VAMP7: variants seen among roughly 807,000 people sequenced by gnomAD.
The protein encoded by VAMP7 is vesicle associated membrane protein 7, also known as vesicle-associated membrane protein 7.
VAMP7 carries 14 observed loss-of-function variants against 29.6 expected under a neutral mutation model. The ratio of observed to expected loss-of-function variants is 0.47; its 90% confidence interval spans 0.31 to 0.74. VAMP7 has a LOEUF of 0.74. VAMP7 is among the 30% of genes least tolerant of loss of function. The pLI is 0.05. For synonymous variants in VAMP7, 95 were observed against 88.1 expected, an observed-to-expected ratio of 1.08 and a Z score of -0.44; for missense variants, 223 against 262.4, an observed-to-expected ratio of 0.85 and a Z score of 1.04.
At chrX:155,912,321 T>C (rs5983819) in intron 5 of VAMP7, among the ~76,000 whole-genome samples, 98,383 of 151,942 alleles carry the variant, frequency 0.65, 32,332 homozygotes, top group African/African-American at 0.77. Flanking sequence ...AATGGAAATA[T>C]TTCAACCTGA....
rs369451370 is a variant in VAMP7, at chrX:155,939,758, C to T, written c.559C>T (p.Leu187Phe). 337 of 1,613,712 alleles carry T rather than the reference C, an allele frequency of 2.1e-4. No homozygotes were observed. The highest frequency in any genetic ancestry group is 2.7e-4 in the Non-Finnish European group (322 of 1,179,824). Residue 187 changes from leucine (L) to phenylalanine (F), a missense_variant, in exon 7 of 8, where the codon CTC (leucine) becomes TTC (phenylalanine). Transcript: ENST00000286448. ...NLARAMCMKN[L>F]KLTIIIIIVS... ...TGCTCGAGCCATGTGTATGAAGAAC[C>T]TCAAGCTCACTATTATCATCATCAT... is the stretch of plus-strand genomic sequence containing the variant.
chrX:155,917,041 G>C (rs929298206), intron 5 of VAMP7, among the ~76,000 whole-genome samples: 3 of 152,030 alleles, frequency 2.0e-5, no homozygotes, highest in African/African-American at 7.3e-5. Context: ...ATGTCTTGGA[G>C]CCTTTGTTCA....
chrX:155,939,896 A>G (rs2066718851), intron 7 of VAMP7, 103 bp downstream of exon 7: 1 of 987,526 alleles, frequency 1.0e-6, no homozygotes, highest in South Asian at 1.4e-5. Context: ...TGAGCTACAT[A>G]TGTCTTTTAA....
chrX:155,926,558 G>T (rs893289865), intron 6 of VAMP7, among the ~76,000 whole-genome samples: 1 of 152,192 alleles, frequency 6.6e-6, no homozygotes, highest in East Asian at 1.9e-4. Context: ...GTTATAGCTG[G>T]TTTAATCTTC....
intron 5 of VAMP7, among the ~76,000 whole-genome samples, chrX:155,916,546 G>A (rs2066316683): frequency 6.6e-6 from 1 of 152,144 alleles, no homozygotes; most frequent in South Asian, 2.1e-4. Flanking sequence ...TGTAAGGCAG[G>A]CCTGGTGGTG....
At chrX:155,905,906 T>C (rs2124298075) in intron 5 of VAMP7, among the ~76,000 whole-genome samples, 1 of 152,264 alleles carries the variant, frequency 6.6e-6, no homozygotes, top group African/African-American at 2.4e-5. Context: ...TAGGATGAGC[T>C]TGTCAATTTC....
In VAMP7 at chrX:155,932,382, G is replaced by A. The variant is rs183719665; in HGVS notation, c.502-7319G>A. Among the ~76,000 whole-genome samples, 1,471 of 151,972 alleles carry A rather than the reference G, an allele frequency of 9.7e-3. 10 individuals are homozygous for A. Among genetic ancestry groups the A allele is most frequent in the Middle Eastern group, 0.027 (8 of 294 alleles). Reference sequence around the variant, plus strand: ...ATTTGTTTGTGTCCTCTTTTATTTCGCTGAACAGTAGTTTGTAGTTCTCCT... The same window carrying A: ...ATTTGTTTGTGTCCTCTTTTATTTCACTGAACAGTAGTTTGTAGTTCTCCT... On this transcript the variant is annotated intron_variant, in intron 6 of 7. Coordinates refer to ENST00000286448, the MANE Select transcript of VAMP7 (RefSeq NM_005638.6).
At chrX:155,903,032 T>C (rs1353224784) in intron 5 of VAMP7, among the ~76,000 whole-genome samples, 1 of 151,966 alleles carries the variant, frequency 6.6e-6, no homozygotes, top group Non-Finnish European at 1.5e-5. Flanking sequence ...TATTGATTAT[T>C]GCCACAATTT....
intron 5 of VAMP7, among the ~76,000 whole-genome samples, chrX:155,903,580 A>G (rs985515282): frequency 2.0e-5 from 3 of 152,110 alleles, no homozygotes; most frequent in African/African-American, 7.2e-5. Context: ...GAAGACATTT[A>G]TGCAGCCAAA....
At chrX:155,932,900 T>A (rs1026150040) in intron 6 of VAMP7, among the ~76,000 whole-genome samples, 7 of 152,000 alleles carry the variant, frequency 4.6e-5, no homozygotes, top group Non-Finnish European at 8.8e-5. Flanking sequence ...TTATTGAGAG[T>A]TTTTAGCATG....
At chrX:155,912,882 G>T (rs1602967158) in intron 5 of VAMP7, among the ~76,000 whole-genome samples, 2 of 152,132 alleles carry the variant, frequency 1.3e-5, no homozygotes, top group South Asian at 4.1e-4. Context: ...ACCCAATAAT[G>T]GGATTGCTGG....
At chrX:155,900,213 C>G (rs1386960635) in intron 4 of VAMP7, among the ~76,000 whole-genome samples, 1 of 151,802 alleles carries the variant, frequency 6.6e-6, no homozygotes, top group Non-Finnish European at 1.5e-5. Flanking sequence ...AATCTCTGCC[C>G]CACAAGTCAC....
intron 6 of VAMP7, among the ~76,000 whole-genome samples, chrX:155,922,198 G>T (rs895537298): frequency 4.1e-4 from 62 of 151,980 alleles, no homozygotes; most frequent in African/African-American, 1.4e-3. Flanking sequence ...TCTGGTTACT[G>T]TTTTGTACAT....
At chrX:155,889,636 A>C (rs771062024) in intron 2 of VAMP7, 24 bp downstream of exon 2, 4 of 1,611,976 alleles carry the variant, frequency 2.5e-6, no homozygotes, top group Non-Finnish European at 3.4e-6. Flanking sequence ...TGCATGTGGT[A>C]AGGGATGAAA....
At chrX:155,926,295 C>T (rs1171678599) in intron 6 of VAMP7, among the ~76,000 whole-genome samples, 1 of 152,192 alleles carries the variant, frequency 6.6e-6, no homozygotes, top group African/African-American at 2.4e-5. Context: ...ATTGAAAAAT[C>T]TGTTGTTTAG....
chrX:155,919,290 G>T (rs7885572), intron 5 of VAMP7, among the ~76,000 whole-genome samples: 4,351 of 151,632 alleles, frequency 0.029, 202 homozygotes, highest in African/African-American at 0.1. Flanking sequence ...TTACTGGCTT[G>T]TTCAGGTTTT....
intron 1 of VAMP7, among the ~76,000 whole-genome samples, chrX:155,883,591 C>G (rs370049195): frequency 8.0e-4 from 121 of 152,184 alleles, no homozygotes; most frequent in African/African-American, 2.7e-3. Flanking sequence ...TTTGCATTGA[C>G]TATCACCATG....
chrX:155,910,692 T>G (rs887755733), intron 5 of VAMP7, among the ~76,000 whole-genome samples: 1 of 152,036 alleles, frequency 6.6e-6, no homozygotes, highest in Non-Finnish European at 1.5e-5. Flanking sequence ...TTTATTTGCA[T>G]TTCTATGATG....
At chrX:155,913,294 T>G (rs1331079978) in intron 5 of VAMP7, among the ~76,000 whole-genome samples, 1 of 152,180 alleles carries the variant, frequency 6.6e-6, no homozygotes, top group African/African-American at 2.4e-5. Flanking sequence ...ATGGATAGAT[T>G]GCAAAAATTT....
Sources: allele counts gnomAD v4.1 joint callset (sites outside exome capture counted in the v4.1 genomes callset), GRCh38; gene constraint gnomAD v4.1.1; transcripts MANE v1.5; gene names NCBI Gene and HGNC (gene_info 2026-07-23, HGNC 2026-07-21).